The following CNTN3 variants were observed in gnomAD, a reference collection of about 807,000 sequenced individuals.
CNTN3 encodes the protein contactin 3, also known as contactin-3.
Under a neutral mutation model 119.1 loss-of-function variants are expected in CNTN3, and 60 were observed. The ratio of observed to expected loss-of-function variants is 0.50; its 90% CI spans 0.41 to 0.62. CNTN3 has a LOEUF of 0.62. Ranked by LOEUF, CNTN3 falls within the 20% of genes least tolerant of loss-of-function variation. The pLI is 0.00. For missense variants in CNTN3, 1,101 were observed against 1,242.4 expected (o/e 0.89, Z 1.71); for synonymous variants, 450 against 438.7 (o/e 1.03, Z -0.32).
At chr3:74,336,789 T>G in intron 11 of CNTN3, 131 bp from the exon 12 acceptor site, 1 of 625,284 alleles carries the variant, frequency 1.6e-6, no homozygotes, top group South Asian at 3.5e-5. Context: ...TCCTTAGCTT[T>G]TTGGGAATAC....
At chr3:74,459,510 A>G (rs752999055) in intron 4 of CNTN3, among the ~76,000 whole-genome samples, 14 of 151,980 alleles carry the variant, frequency 9.2e-5, no homozygotes, top group Non-Finnish European at 1.5e-4. Context: ...TGACCCGCCT[A>G]TCTTCGAAGT....
intron 13 of CNTN3, among the ~76,000 whole-genome samples, chr3:74,319,958 C>A (rs1702943718): frequency 6.6e-6 from 1 of 152,086 alleles, no homozygotes; most frequent in African/African-American, 2.4e-5. Context: ...CAAATCAATA[C>A]CACAATGAGA....
intron 1 of CNTN3, among the ~76,000 whole-genome samples, chr3:74,530,336 CA>C: frequency 6.6e-6 from 1 of 151,898 alleles, no homozygotes; most frequent in Admixed American, 6.6e-5. Flanking sequence ...GGAGATCCTG[CA>C]AAACCATTTG....
intron 1 of CNTN3, among the ~76,000 whole-genome samples, chr3:74,596,635 T>C (rs1418960513): frequency 6.6e-6 from 1 of 152,148 alleles, no homozygotes; most frequent in Admixed American, 6.6e-5. Flanking sequence ...GCTAGCCATA[T>C]GTAGAAAGCT....
At chr3:74,293,144 C>G (rs1310027541) in intron 19 of CNTN3, among the ~76,000 whole-genome samples, 4 of 152,184 alleles carry the variant, frequency 2.6e-5, no homozygotes, top group African/African-American at 9.7e-5. Flanking sequence ...AAAATATACA[C>G]TAACAAGACC....
At chr3:74,512,042 T>C (rs1261779880) in intron 2 of CNTN3, among the ~76,000 whole-genome samples, 2 of 152,176 alleles carry the variant, frequency 1.3e-5, no homozygotes, top group Non-Finnish European at 2.9e-5. Flanking sequence ...TCTACTGTTA[T>C]ATGGGAATGA....
At chr3:74,467,312 T>C (rs1702479255) in intron 4 of CNTN3, among the ~76,000 whole-genome samples, 1 of 152,096 alleles carries the variant, frequency 6.6e-6, no homozygotes, top group African/African-American at 2.4e-5. Flanking sequence ...AATATTCTTA[T>C]CAAAGCTATT....
intron 4 of CNTN3, among the ~76,000 whole-genome samples, chr3:74,481,078 G>A (rs1702755295): frequency 6.6e-6 from 1 of 151,522 alleles, no homozygotes; most frequent in Non-Finnish European, 1.5e-5. Flanking sequence ...ACCACTTGTT[G>A]ACAAAAAAAT....
intron 1 of CNTN3, among the ~76,000 whole-genome samples, chr3:74,548,405 C>G (rs1211183887): frequency 6.6e-6 from 1 of 152,140 alleles, no homozygotes; most frequent in Non-Finnish European, 1.5e-5. Context: ...GGAATGGCAA[C>G]TGAACATTAT....
chr3:74,316,689 G>A (rs1263212096), intron 13 of CNTN3, among the ~76,000 whole-genome samples: 1 of 152,052 alleles, frequency 6.6e-6, no homozygotes, highest in Non-Finnish European at 1.5e-5. Flanking sequence ...ACTTTGGGAG[G>A]CCGAGGTGGG....
At chr3:74,410,883 T>G (rs942527298) in intron 5 of CNTN3, among the ~76,000 whole-genome samples, 4 of 152,112 alleles carry the variant, frequency 2.6e-5, no homozygotes, top group African/African-American at 9.7e-5. Context: ...CTTAATTTTC[T>G]CCTCCAGATT....
At chr3:74,592,512 C>T (rs1419705159) in intron 1 of CNTN3, among the ~76,000 whole-genome samples, 13 of 151,556 alleles carry the variant, frequency 8.6e-5, no homozygotes, top group Non-Finnish European at 8.8e-5. Flanking sequence ...CAGTATCCAA[C>T]GATTCTTACT....
intron 5 of CNTN3, among the ~76,000 whole-genome samples, chr3:74,383,011 T>C (rs1448702555): frequency 6.6e-6 from 1 of 152,190 alleles, no homozygotes; most frequent in Admixed American, 6.5e-5. Flanking sequence ...TTCTGATCAA[T>C]TAAAGATTTA....
At chr3:74,409,363 G>C (rs1701400408) in intron 5 of CNTN3, among the ~76,000 whole-genome samples, 1 of 152,052 alleles carries the variant, frequency 6.6e-6, no homozygotes, top group African/African-American at 2.4e-5. Flanking sequence ...CACCAATCAG[G>C]TAACTTCTCT....
Position 74,531,052 on chromosome 3 carries a change from A to G in CNTN3, c.-80-9860T>C, listed in dbSNP as rs1342740296. ...ATACTTAGCAGAATTGGAATTACCG[A>G]GTTAGGAGGAAGCAGTGTAGGTGAG... On this transcript the variant is annotated intron_variant, in intron 1 of 22. Transcript: ENST00000263665. 2.0e-5 allele frequency among the ~76,000 whole-genome samples: 3 copies of G among 151,910 alleles called. No homozygotes were observed. The South Asian group carries it at 6.2e-4, about 31-fold the overall frequency.
intron 13 of CNTN3, among the ~76,000 whole-genome samples, chr3:74,303,614 A>AGGTG (rs1329442230): frequency 1.3e-5 from 2 of 152,190 alleles, no homozygotes; most frequent in Non-Finnish European, 2.9e-5. Flanking sequence ...AATCACTTGA[A>AGGTG]CTTGGGAGGT....
intron 16 of CNTN3, among the ~76,000 whole-genome samples, chr3:74,300,444 G>A (rs1482034137): frequency 6.6e-6 from 1 of 152,142 alleles, no homozygotes; most frequent in Non-Finnish European, 1.5e-5. Context: ...TGAACCCCAT[G>A]ACACAGCTAG....
At chr3:74,463,647 A>T (rs896665747) in intron 4 of CNTN3, among the ~76,000 whole-genome samples, 40 of 152,108 alleles carry the variant, frequency 2.6e-4, no homozygotes, top group African/African-American at 9.4e-4. Context: ...CCAGTTTAAC[A>T]CTGTTCTACC....
intron 4 of CNTN3, among the ~76,000 whole-genome samples, chr3:74,460,237 C>T (rs989016919): frequency 1.3e-5 from 2 of 151,988 alleles, no homozygotes; most frequent in Non-Finnish European, 2.9e-5. Flanking sequence ...CTTTACCTTA[C>T]AGTCTGAGCC....
Sources: allele counts gnomAD v4.1 joint callset (sites outside exome capture counted in the v4.1 genomes callset), GRCh38; gene constraint gnomAD v4.1.1; transcripts MANE v1.5; gene names NCBI Gene and HGNC (gene_info 2026-07-23, HGNC 2026-07-21).